The following USP12 variants were observed in gnomAD, a reference collection of about 807,000 sequenced individuals.
USP12 encodes ubiquitin specific peptidase 12.
In USP12, 19 loss-of-function variants were observed where a neutral mutation model predicts 45.5. That is an observed-to-expected ratio of 0.42 (90% CI 0.29 to 0.61). The LOEUF (loss-of-function observed/expected upper bound fraction) is 0.61, where lower values mean the gene tolerates loss of function less well. Among genes scored for constraint, USP12 ranks in the 20% least tolerant of loss-of-function variants. The pLI, the probability that USP12 is intolerant of heterozygous loss-of-function variation, is 0.22. For missense variants in USP12, 242 were observed against 447.7 expected (o/e 0.54, Z 4.15); for synonymous variants, 149 against 148.8 (o/e 1.00, Z -0.01).
chr13:27,113,252 T>G (rs1875550513), intron 2 of USP12, among the ~76,000 whole-genome samples: 1 of 151,858 alleles, frequency 6.6e-6, no homozygotes, highest in African/African-American at 2.4e-5. Flanking sequence ...GCAAGACCCT[T>G]TCTCAAAACA....
chr13:27,153,726 T>A (rs1436100179), intron 1 of USP12, among the ~76,000 whole-genome samples: 1 of 152,194 alleles, frequency 6.6e-6, no homozygotes, highest in Non-Finnish European at 1.5e-5. Flanking sequence ...TCCTTAAAAG[T>A]AAGAACCACT....
intron 1 of USP12, among the ~76,000 whole-genome samples, chr13:27,118,712 C>T (rs982032307): frequency 1.3e-5 from 2 of 152,192 alleles, no homozygotes; most frequent in Admixed American, 1.3e-4. Flanking sequence ...AACCAAAATA[C>T]AACCTCAAAT....
chr13:27,068,869 C>T lies in USP12; in HGVS notation c.*414G>A, dbSNP rs961703255. 5.0e-6 allele frequency: 1 copy of T among 199,820 alleles called. No homozygotes were observed. Among genetic ancestry groups the T allele is most frequent in the Non-Finnish European group, 1.0e-5 (1 of 99,464 alleles). 12.4% of individuals were successfully genotyped at this position (199,820 alleles called of 1,614,324 possible). On this transcript the variant is annotated 3_prime_UTR_variant, in exon 9 of 9. Coordinates refer to ENST00000282344, the MANE Select transcript of USP12 (RefSeq NM_182488.4). ...ACCACTGAATATGCTTCTATACATA[C>T]TGAACCAGGCAAATTTATGCAGTGT...
intron 6 of USP12, chr13:27,078,005 T>A (rs919767409): frequency 1.3e-5 from 2 of 151,470 alleles, no homozygotes; most frequent in African/African-American, 2.4e-5. Context: ...CCTTTTAAGT[T>A]TGAATAAACA....
At position 27,067,546 on chromosome 13, in the gene USP12, C is replaced by T. The variant is rs1873053555; in HGVS notation, c.*1737G>A. 6.6e-6 allele frequency: 1 copy of T among 152,048 alleles called. No homozygotes were observed. Among genetic ancestry groups the T allele is most frequent in the African/African-American group, 2.4e-5 (1 of 41,388 alleles). 9.4% of individuals were successfully genotyped at this position (152,048 alleles called of 1,614,324 possible). A position where few individuals can be genotyped will look rare whatever the true frequency, so the allele number is the denominator to read the frequency against. ...AAATACTAAATATTATAATTTTCTC[C>T]CAGAACATCTGTTTAAGCAGCCCAA... On this transcript the variant is annotated 3_prime_UTR_variant, in exon 9 of 9. Coordinates refer to ENST00000282344, the MANE Select transcript of USP12 (RefSeq NM_182488.4).
chr13:27,094,568 A>G (rs188002041), intron 4 of USP12, among the ~76,000 whole-genome samples: 1 of 152,292 alleles, frequency 6.6e-6, no homozygotes, highest in Admixed American at 6.5e-5. Flanking sequence ...AATTTCACCA[A>G]TGAGAGGCAG....
At chr13:27,085,444 G>A (rs1873968599) in intron 6 of USP12, among the ~76,000 whole-genome samples, 2 of 152,126 alleles carry the variant, frequency 1.3e-5, no homozygotes, top group Admixed American at 1.3e-4. Flanking sequence ...GCCTCCCAAA[G>A]TGCTGGGATT....
At chr13:27,080,642 T>C (rs542790465) in intron 6 of USP12, among the ~76,000 whole-genome samples, 2 of 152,274 alleles carry the variant, frequency 1.3e-5, no homozygotes, top group African/African-American at 2.4e-5. Context: ...TCACTAATCA[T>C]TGGATCCCAC....
intron 1 of USP12, among the ~76,000 whole-genome samples, chr13:27,155,283 A>T (rs372228460): frequency 6.6e-6 from 1 of 151,618 alleles, no homozygotes; most frequent in Non-Finnish European, 1.5e-5. Context: ...GGGTTTCACC[A>T]TGTTGGCCAA....
intron 6 of USP12, among the ~76,000 whole-genome samples, chr13:27,083,113 G>A (rs1052311767): frequency 6.6e-6 from 1 of 152,210 alleles, no homozygotes; most frequent in African/African-American, 2.4e-5. Context: ...GGGATTACAG[G>A]TGTGAGTCAC....
At chr13:27,132,089 C>T (rs1247616562) in intron 1 of USP12, among the ~76,000 whole-genome samples, 1 of 152,146 alleles carries the variant, frequency 6.6e-6, no homozygotes, top group Admixed American at 6.5e-5. Flanking sequence ...GGCTATGAAA[C>T]AAAAGGAAAT....
rs1473932769 is a variant in USP12, at chr13:27,171,236, G to T, written c.48+356C>A. Reference sequence around the variant, plus strand: ...CACCCCTCACCCCGGCACAGGCCGGGCGCGCCTCGGCCCTCGTCCCCGCGT... The same window carrying T: ...CACCCCTCACCCCGGCACAGGCCGGTCGCGCCTCGGCCCTCGTCCCCGCGT... On this transcript the variant is annotated intron_variant, in intron 1 of 8. Transcript: ENST00000282344. Among the ~76,000 whole-genome samples, 25 of 150,408 alleles carry T rather than the reference G, an allele frequency of 1.7e-4. No individual in the cohort carries two copies. In the East Asian group the frequency reaches 4.5e-3, roughly 27 times the overall value.
In USP12 at chr13:27,068,975, G is replaced by A. The variant is rs1462913765; in HGVS notation, c.*308C>T. 6.6e-5 allele frequency: 25 copies of A among 376,706 alleles called. No individual in the cohort carries two copies. Among genetic ancestry groups the A allele is most frequent in the Non-Finnish European group, 9.7e-5 (20 of 205,788 alleles). The allele number at this position is 376,706 out of a possible 1,614,324, so 23.3% of individuals were successfully genotyped here. A position where few individuals can be genotyped will look rare whatever the true frequency, so the allele number is the denominator to read the frequency against. ...CCCCAAGGAATTCAAAGCATTATTG[G>A]TGCAATTAATAAAGAGAAAATGCGT... On this transcript the variant is annotated 3_prime_UTR_variant, in exon 9 of 9. Coordinates refer to ENST00000282344, the MANE Select transcript of USP12 (RefSeq NM_182488.4).
At chr13:27,082,905 G>T (rs1007387971) in intron 6 of USP12, among the ~76,000 whole-genome samples, 1 of 152,146 alleles carries the variant, frequency 6.6e-6, no homozygotes, top group Non-Finnish European at 1.5e-5. Context: ...GCGTGATCTC[G>T]GCTCACCGCA....
chr13:27,079,592 A>G (rs1593172756), intron 6 of USP12, among the ~76,000 whole-genome samples: 1 of 152,160 alleles, frequency 6.6e-6, no homozygotes, highest in South Asian at 2.1e-4. Flanking sequence ...CAACACCACT[A>G]TGGGATGGAA....
intron 7 of USP12, among the ~76,000 whole-genome samples, chr13:27,073,200 G>C (rs1873324590): frequency 6.6e-6 from 1 of 152,022 alleles, no homozygotes; most frequent in Non-Finnish European, 1.5e-5. Context: ...ACAGGAGAAA[G>C]AGTAAGACCC....
Position 27,136,634 on chromosome 13 carries a change from C to T in USP12, c.49-20038G>A, listed in dbSNP as rs76902711. Among the ~76,000 whole-genome samples, 1,214 of 152,240 alleles carry T rather than the reference C, an allele frequency of 8.0e-3. 14 individuals are homozygous for T. Among genetic ancestry groups the T allele is most frequent in the African/African-American group, 0.027 (1,137 of 41,538 alleles). ...TCAACTCACGTTAAATTAGAGAAGA[C>T]AGACTTTTCTGACTTCTAAGTGTAT... On this transcript the variant is annotated intron_variant, in intron 1 of 8. Transcript: ENST00000282344.
chr13:27,148,450 C>T (rs536023927), intron 1 of USP12, among the ~76,000 whole-genome samples: 174 of 151,642 alleles, frequency 1.1e-3, no homozygotes, highest in African/African-American at 4.0e-3. Context: ...CCGAGGCGGG[C>T]AGATCACGAG....
In USP12 at chr13:27,071,124, C is replaced by T; in HGVS notation, c.958G>A (p.Ala320Thr). 1 of 1,608,320 alleles carries T rather than the reference C, an allele frequency of 6.2e-7. No homozygotes were observed. The highest frequency in any genetic ancestry group is 1.9e-4 in the Middle Eastern group (1 of 5,356). The stretch of plus-strand genomic sequence containing the variant: ...CAAAAATCATGACTCTTAACTATTG[C>T]AATATAATGGCCTCGATTGGGACCA... Reference protein sequence around the residue: ...GSGPNRGHYIAIVKSHDFWLL... With the variant: ...GSGPNRGHYITIVKSHDFWLL... Residue 320 changes from alanine to threonine, a missense_variant, in exon 8 of 9, where the codon GCA (alanine) becomes ACA (threonine). Coordinates refer to ENST00000282344, the MANE Select transcript of USP12 (RefSeq NM_182488.4).
Sources: allele counts gnomAD v4.1 joint callset (sites outside exome capture counted in the v4.1 genomes callset), GRCh38; gene constraint gnomAD v4.1.1; transcripts MANE v1.5; gene names NCBI Gene and HGNC (gene_info 2026-07-23, HGNC 2026-07-21).